The following CCSER1 variants were observed in gnomAD, a reference collection of about 807,000 sequenced individuals.
CCSER1 encodes serine-rich coiled-coil domain-containing protein 1.
Under a neutral mutation model 82.0 loss-of-function variants are expected in CCSER1, and 41 were observed. The observed-to-expected ratio is 0.50, with a 90% CI of 0.39 to 0.65. The LOEUF is 0.65. CCSER1 is among the 30% of genes least tolerant of loss of function. The pLI, the probability that CCSER1 is intolerant of heterozygous loss-of-function variation, is 0.00. For synonymous variants in CCSER1, 414 were observed against 383.9 expected (o/e 1.08, Z -0.92); for missense variants, 1,119 against 1,064.2 (o/e 1.05, Z -0.72).
intron 3 of CCSER1, among the ~76,000 whole-genome samples, chr4:90,338,495 A>G (rs912891354): frequency 2.6e-5 from 4 of 152,174 alleles, no homozygotes; most frequent in Admixed American, 2.6e-4. Flanking sequence ...AATATATGTC[A>G]TCTTCTGTTG....
chr4:90,859,932 A>C (rs1047873452), intron 8 of CCSER1, among the ~76,000 whole-genome samples: 1 of 151,174 alleles, frequency 6.6e-6, no homozygotes, highest in Admixed American at 6.6e-5. Context: ...GTTGTATTTA[A>C]AAATTTGATA....
intron 10 of CCSER1, among the ~76,000 whole-genome samples, chr4:91,379,147 G>A (rs1298049777): frequency 6.6e-6 from 1 of 152,160 alleles, no homozygotes; most frequent in Non-Finnish European, 1.5e-5. Flanking sequence ...GCTGGATTCA[G>A]TTTGCCACGA....
At chr4:90,499,412 T>G (rs1325378219) in intron 5 of CCSER1, among the ~76,000 whole-genome samples, 1 of 152,104 alleles carries the variant, frequency 6.6e-6, no homozygotes, top group East Asian at 1.9e-4. Flanking sequence ...CTATTTAAAT[T>G]TCTTTGATTT....
At chr4:90,161,162 T>C (rs889028505) in intron 1 of CCSER1, among the ~76,000 whole-genome samples, 1 of 152,162 alleles carries the variant, frequency 6.6e-6, no homozygotes, top group Non-Finnish European at 1.5e-5. Context: ...AATTTTCTCT[T>C]ATATGTTTGC....
intron 9 of CCSER1, among the ~76,000 whole-genome samples, chr4:91,043,583 CTTTTTTTT>C (rs11364315): frequency 1.4e-5 from 1 of 71,564 alleles, no homozygotes; most frequent in Non-Finnish European, 2.8e-5. Flanking sequence ...CATCAGCCTT[CTTTTTTTT>C]TTTTTTTTTT....
chr4:90,130,537 T>C (rs60520837), intron 1 of CCSER1, among the ~76,000 whole-genome samples: 41,971 of 152,038 alleles, frequency 0.28, 7,327 homozygotes, highest in East Asian at 0.65. Flanking sequence ...TAAGTTTGTT[T>C]TGATATAAAT....
chr4:90,196,980 AGGTTAAG>A (rs1464564430), intron 1 of CCSER1, among the ~76,000 whole-genome samples: 1 of 152,014 alleles, frequency 6.6e-6, no homozygotes, highest in African/African-American at 2.4e-5. Context: ...CAGATCCTAC[AGGTTAAG>A]GTCTCAGTTC....
chr4:91,406,175 A>G (rs773637033), intron 10 of CCSER1, among the ~76,000 whole-genome samples: 8 of 152,196 alleles, frequency 5.3e-5, no homozygotes, highest in Non-Finnish European at 1.2e-4. Flanking sequence ...ATTCAGGAGA[A>G]CCATGAAATT....
chr4:90,736,806 A>G (rs909985194), intron 7 of CCSER1, among the ~76,000 whole-genome samples: 1 of 149,722 alleles, frequency 6.7e-6, no homozygotes, highest in Admixed American at 6.6e-5. Flanking sequence ...TGTGAAGGTA[A>G]TTTTCTCTGG....
At chr4:91,593,955 G>A (rs1764396140) in intron 10 of CCSER1, among the ~76,000 whole-genome samples, 1 of 152,136 alleles carries the variant, frequency 6.6e-6, no homozygotes, top group Admixed American at 6.6e-5. Flanking sequence ...AAAGAAATGA[G>A]AGGAAGACAA....
intron 8 of CCSER1, among the ~76,000 whole-genome samples, chr4:90,879,685 A>G (rs1580899463): frequency 6.6e-6 from 1 of 151,844 alleles, no homozygotes; most frequent in Non-Finnish European, 1.5e-5. Flanking sequence ...AAAGAAGAAG[A>G]AGAGGAAGAA....
At chr4:90,763,830 C>T (rs1425705138) in intron 7 of CCSER1, among the ~76,000 whole-genome samples, 1 of 152,242 alleles carries the variant, frequency 6.6e-6, no homozygotes, top group Admixed American at 6.5e-5. Flanking sequence ...ATTCATTGAA[C>T]CAATACACTT....
intron 9 of CCSER1, among the ~76,000 whole-genome samples, chr4:91,080,436 A>G (rs1289151955): frequency 2.0e-5 from 3 of 152,236 alleles, no homozygotes; most frequent in Admixed American, 6.5e-5. Flanking sequence ...AGGTAAATTA[A>G]TAGCACTAAA....
intron 8 of CCSER1, among the ~76,000 whole-genome samples, chr4:90,881,622 A>G (rs1267142483): frequency 1.3e-5 from 2 of 152,080 alleles, no homozygotes; most frequent in Non-Finnish European, 2.9e-5. Flanking sequence ...AAATGCAACA[A>G]CAACAACAAA....
At chr4:90,645,470 C>T (rs563313441) in intron 6 of CCSER1, among the ~76,000 whole-genome samples, 1 of 152,244 alleles carries the variant, frequency 6.6e-6, no homozygotes, top group South Asian at 2.1e-4. Context: ...TTATAGTCTT[C>T]AAGGTGACAT....
chr4:90,534,538 C>T (rs1456030012), intron 5 of CCSER1, among the ~76,000 whole-genome samples: 4 of 151,452 alleles, frequency 2.6e-5, no homozygotes, highest in Non-Finnish European at 4.4e-5. Context: ...ACGAGCCCCA[C>T]TATTACTTTT....
chr4:91,512,570 G>A (rs917690509), intron 10 of CCSER1, among the ~76,000 whole-genome samples: 1 of 152,104 alleles, frequency 6.6e-6, no homozygotes, highest in African/African-American at 2.4e-5. Context: ...TTTACCTTGT[G>A]ATCATATGAG....
intron 5 of CCSER1, among the ~76,000 whole-genome samples, chr4:90,559,746 C>T (rs529087456): frequency 7.1e-6 from 1 of 141,694 alleles, no homozygotes; most frequent in East Asian, 2.1e-4. Context: ...GGAGGCGGAG[C>T]TTGCAGTGCG....
At chr4:91,340,695 A>C (rs1378679064) in intron 10 of CCSER1, among the ~76,000 whole-genome samples, 1 of 152,144 alleles carries the variant, frequency 6.6e-6, no homozygotes, top group African/African-American at 2.4e-5. Context: ...AATTTAATGA[A>C]GATTGTGTGG....
Sources: allele counts gnomAD v4.1 joint callset (sites outside exome capture counted in the v4.1 genomes callset), GRCh38; gene constraint gnomAD v4.1.1; transcripts MANE v1.5; gene names NCBI Gene and HGNC (gene_info 2026-07-23, HGNC 2026-07-21).